CUL2: variants seen among roughly 807,000 people sequenced by gnomAD.
CUL2 encodes the protein cullin-2.
A neutral mutation model predicts 110.2 loss-of-function variants in CUL2; 22 were observed. The observed-to-expected ratio is 0.20, with a 90% confidence interval of 0.14 to 0.28. The LOEUF is 0.28. Among genes scored for constraint, CUL2 ranks in the 10% least tolerant of loss-of-function variants. The pLI is 1.00. For synonymous variants in CUL2, 279 were observed against 293.2 expected (o/e 0.95, Z 0.49); for missense variants, 631 against 905.5 (o/e 0.70, Z 3.89).
intron 4 of CUL2, among the ~76,000 whole-genome samples, chr10:35,060,235 T>C (rs1224329904): frequency 2.0e-5 from 3 of 150,864 alleles, no homozygotes; most frequent in African/African-American, 4.9e-5. Context: ...GCAACTACAC[T>C]GCAGCCTAGG....
chr10:35,030,823 TTA>T (rs1491365116), intron 14 of CUL2, among the ~76,000 whole-genome samples: 1 of 66,798 alleles, frequency 1.5e-5, no homozygotes, highest in Non-Finnish European at 5.3e-5. Context: ...AGCCCAGGAG[TTA>T]GAGTCCAGCC....
chr10:35,042,710 T>C (rs868694786), intron 8 of CUL2, among the ~76,000 whole-genome samples: 2 of 152,182 alleles, frequency 1.3e-5, no homozygotes. Flanking sequence ...CCTCAAGTGG[T>C]TGTTTATTTG....
rs1260758796 is a variant in CUL2 at position 35,076,552 on chromosome 10, T to C, written c.-22-5213A>G. On this transcript the variant is annotated intron_variant, in intron 1 of 20. Coordinates refer to ENST00000374749, the MANE Select transcript of CUL2 (RefSeq NM_003591.4). ...TTAGCATAAAATTCTGAAATCTCAA[T>C]CTCTCTCCCACCACTCCCGTGTACG... is the stretch of plus-strand genomic sequence containing the variant. Among the ~76,000 whole-genome samples the C allele has an allele frequency of 2.0e-5, 3 of 152,068 alleles. No homozygotes were observed. In the East Asian group the frequency reaches 5.8e-4, roughly 29 times the overall value.
chr10:35,115,793 T>A (rs976271005), intron 1 of CUL2, among the ~76,000 whole-genome samples: 4 of 152,006 alleles, frequency 2.6e-5, no homozygotes, highest in Admixed American at 6.6e-5. Context: ...CTAGGGGGAC[T>A]GAGGCAGAAG....
rs544240401 is a variant in CUL2, at chr10:35,122,351, G to A, written c.-51+4254C>T. Among the ~76,000 whole-genome samples, 18 of 152,258 alleles carry A rather than the reference G, an allele frequency of 1.2e-4. No homozygotes were observed. In the South Asian group the frequency reaches 3.5e-3, roughly 30 times the overall value. On this transcript the variant is annotated intron_variant, in intron 1 of 5. Coordinates refer to the CUL2 transcript ENST00000685421. ...TACAGGGTTAAAAGTTACAACTTCA[G>A]GGTTATAGTCCTAATATTACTATCT...
intron 2 of CUL2, among the ~76,000 whole-genome samples, chr10:35,065,590 G>A (rs1220105875): frequency 3.3e-5 from 5 of 152,082 alleles, no homozygotes; most frequent in Admixed American, 3.3e-4. Context: ...CTGCACTCCA[G>A]CCTGGGCTAC....
Position 35,071,279 on chromosome 10 carries a change from T to C in CUL2, c.39A>G (p.Thr13=), listed in dbSNP as rs538735953. The C allele has an allele frequency of 8.1e-6, 13 of 1,613,952 alleles. No homozygotes were observed. The highest frequency in any genetic ancestry group is 3.3e-5 in the South Asian group (3 of 91,080). Reference sequence around the variant, plus strand: ...TTATTGTCGTCAAAAGTTTGTTCCATGTTTCATCAAAATCTACTACTCTTG... The same window carrying C: ...TTATTGTCGTCAAAAGTTTGTTCCACGTTTCATCAAAATCTACTACTCTTG... The part of the protein sequence containing the change: ...LKPRVVDFDE[T]WNKLLTTIKA... Residue 13 remains threonine, a synonymous_variant, in exon 2 of 21, where the codon ACA becomes ACG. Coordinates refer to ENST00000374749, the MANE Select transcript of CUL2 (RefSeq NM_003591.4).
At chr10:35,025,088 T>C (rs1345755961) in intron 17 of CUL2, 44 bp downstream of exon 17, 2 of 1,439,892 alleles carry the variant, frequency 1.4e-6, no homozygotes, top group Non-Finnish European at 1.8e-6. Context: ...AATATAATCA[T>C]CAGGTAAATT....
intron 10 of CUL2, among the ~76,000 whole-genome samples, chr10:35,034,590 G>C (rs1241267322): frequency 6.6e-6 from 1 of 152,142 alleles, no homozygotes; most frequent in African/African-American, 2.4e-5. Context: ...AACATTACCA[G>C]TAATAACAAG....
At chr10:35,109,483 A>G (rs560329279) in intron 1 of CUL2, among the ~76,000 whole-genome samples, 1 of 152,350 alleles carries the variant, frequency 6.6e-6, no homozygotes, top group African/African-American at 2.4e-5. Context: ...GACAAAGATA[A>G]TTTTGTCTAG....
upstream of CUL2, among the ~76,000 whole-genome samples, chr10:35,092,399 T>G (rs937685765): frequency 6.6e-6 from 1 of 152,234 alleles, no homozygotes; most frequent in Non-Finnish European, 1.5e-5. Flanking sequence ...CTGCCATACA[T>G]TCCCAGTTTT....
chr10:35,115,721 C>G (rs2087585911), intron 1 of CUL2, among the ~76,000 whole-genome samples: 1 of 151,814 alleles, frequency 6.6e-6, no homozygotes, highest in Admixed American at 6.6e-5. Flanking sequence ...TAGTGACACC[C>G]CCATCACTAC....
At chr10:35,038,341 T>C (rs1229027304) in intron 9 of CUL2, among the ~76,000 whole-genome samples, 1 of 151,060 alleles carries the variant, frequency 6.6e-6, no homozygotes, top group Non-Finnish European at 1.5e-5. Flanking sequence ...CTGACCAACA[T>C]GGTGAAACCC....
chr10:35,085,889 A>T (rs1410688521), intron 1 of CUL2, among the ~76,000 whole-genome samples: 1 of 152,136 alleles, frequency 6.6e-6, no homozygotes, highest in Non-Finnish European at 1.5e-5. Flanking sequence ...AGGGTTGAAA[A>T]ACGGTTGGGT....
At chr10:35,014,275 C>A (rs1457759932) in intron 18 of CUL2, among the ~76,000 whole-genome samples, 2 of 152,164 alleles carry the variant, frequency 1.3e-5, no homozygotes, top group East Asian at 3.9e-4. Flanking sequence ...TAGCACACAG[C>A]ATCAATTTGC....
chr10:35,117,996 C>T lies in CUL2; in HGVS notation c.-51+8609G>A, dbSNP rs566204591. Among the ~76,000 whole-genome samples the T allele has an allele frequency of 4.5e-4, 68 of 152,294 alleles. No individual in the cohort carries two copies. In the South Asian group the frequency reaches 0.014, roughly 32 times the overall value. ...GCACAGCCTCCCTATCAACATCCTG[C>T]ACCAGCATGTTCTACTTGTTAGAAC... On this transcript the variant is annotated intron_variant, in intron 1 of 5. Transcript: ENST00000685421.
intron 1 of CUL2, among the ~76,000 whole-genome samples, chr10:35,077,114 ATAAATGGT>A (rs1171492966): frequency 3.9e-5 from 6 of 152,330 alleles, no homozygotes; most frequent in Admixed American, 3.9e-4. Context: ...CTATCAACTG[ATAAATGGT>A]TAAAATGCAA....
chr10:35,091,296 C>T (rs528318891), upstream of CUL2, among the ~76,000 whole-genome samples: 8 of 152,310 alleles, frequency 5.3e-5, no homozygotes, highest in Admixed American at 2.6e-4. Context: ...TCCCTCCCAT[C>T]CCTTCCTTCC....
At chr10:35,086,983 G>C (rs1235381357) in intron 1 of CUL2, among the ~76,000 whole-genome samples, 2 of 152,262 alleles carry the variant, frequency 1.3e-5, no homozygotes, top group East Asian at 3.9e-4. Context: ...ACAATGTTTG[G>C]CTCCAAGGAA....
Sources: gnomAD v4.1 joint callset for allele counts (sites outside exome capture counted in the v4.1 genomes callset) on GRCh38, gnomAD v4.1.1 for gene constraint, MANE v1.5 for transcripts, NCBI Gene and HGNC (gene_info 2026-07-23, HGNC 2026-07-21) for gene names.